The following TMEM9 variants were observed in gnomAD, a reference collection of about 807,000 sequenced individuals.
The protein encoded by TMEM9 is proton-transporting V-type ATPase complex assembly regulator TMEM9.
Under a neutral mutation model 22.8 loss-of-function variants are expected in TMEM9, and 13 were observed. The ratio of observed to expected loss-of-function variants is 0.57; its 90% CI spans 0.37 to 0.91. The LOEUF is 0.91. Among genes scored for constraint, TMEM9 ranks in the 40% least tolerant of loss-of-function variants. The pLI is 0.01. For synonymous variants in TMEM9, 88 were observed against 93.0 expected, an observed-to-expected ratio of 0.95 and a Z score of 0.31; for missense variants, 182 against 238.1, an observed-to-expected ratio of 0.76 and a Z score of 1.55.
At chr1:201,146,684 G>T in intron 3 of TMEM9, 56 bp downstream of exon 3, 1 of 1,514,284 alleles carries the variant, frequency 6.6e-7, no homozygotes, top group Non-Finnish European at 9.2e-7. Flanking sequence ...AGGCCAGTCT[G>T]CGATTGGAGA....
chr1:201,153,981 C>A lies in TMEM9; in HGVS notation c.-58G>T. On this transcript the variant is annotated 5_prime_UTR_variant, in exon 1 of 5. Coordinates refer to ENST00000367330, the MANE Select transcript of TMEM9 (RefSeq NM_001288565.2). Reference sequence around the variant, plus strand: ...ACACCTGGAAAAAGAGATACGGAGTCGGAGAAGGGGAAGGTGGCCACACCG... The same window carrying A: ...ACACCTGGAAAAAGAGATACGGAGTAGGAGAAGGGGAAGGTGGCCACACCG... 6.4e-7 allele frequency: 1 copy of A among 1,559,654 alleles called. No homozygotes were observed. The highest frequency in any genetic ancestry group is 1.2e-5 in the South Asian group (1 of 81,916).
At chr1:201,136,359 G>A (rs1368251442) in intron 4 of TMEM9, among the ~76,000 whole-genome samples, 4 of 152,210 alleles carry the variant, frequency 2.6e-5, no homozygotes, top group African/African-American at 9.7e-5. Flanking sequence ...AGAAGGCCCA[G>A]GGGCTAGGGT....
chr1:201,170,825 A>G (rs1456377345), intron 1 of TMEM9, among the ~76,000 whole-genome samples: 1 of 151,870 alleles, frequency 6.6e-6, no homozygotes, highest in Non-Finnish European at 1.5e-5. Context: ...CCCCCTAGTG[A>G]CCGCACACTC....
upstream of TMEM9, among the ~76,000 whole-genome samples, chr1:201,156,964 C>A (rs192742804): frequency 1.4e-3 from 209 of 152,294 alleles, no homozygotes; most frequent in African/African-American, 4.9e-3. Flanking sequence ...AGAAGTGAAG[C>A]AGCCTTGTTG....
At chr1:201,158,259 T>C (rs1665853454), upstream of TMEM9, among the ~76,000 whole-genome samples, 1 of 152,214 alleles carries the variant, frequency 6.6e-6, no homozygotes, top group Non-Finnish European at 1.5e-5. Context: ...AGAGAACACC[T>C]CCGTCAGACT....
chr1:201,152,993 C>T (rs1665549837), intron 1 of TMEM9, among the ~76,000 whole-genome samples: 1 of 152,158 alleles, frequency 6.6e-6, no homozygotes, highest in Non-Finnish European at 1.5e-5. Context: ...TCTAGAGGAC[C>T]CACTTTCTGG....
chr1:201,159,749 C>T (rs932720917), intron 1 of TMEM9, among the ~76,000 whole-genome samples: 7 of 152,124 alleles, frequency 4.6e-5, no homozygotes, highest in Non-Finnish European at 8.8e-5. Context: ...AGAATAAAAG[C>T]ATTATTCTAC....
chr1:201,139,813 G>A (rs1664358565), intron 4 of TMEM9, among the ~76,000 whole-genome samples: 1 of 152,236 alleles, frequency 6.6e-6, no homozygotes, highest in South Asian at 2.1e-4. Context: ...ATGATTATGT[G>A]TATTCCAGAC....
At chr1:201,158,625 C>A (rs1445521726), upstream of TMEM9, among the ~76,000 whole-genome samples, 2 of 152,058 alleles carry the variant, frequency 1.3e-5, no homozygotes, top group Admixed American at 6.5e-5. Context: ...AGCCGGGAGC[C>A]CCTGGCTCGG....
chr1:201,142,320 A>C (rs1664595868), intron 4 of TMEM9, among the ~76,000 whole-genome samples: 1 of 152,104 alleles, frequency 6.6e-6, no homozygotes, highest in African/African-American at 2.4e-5. Flanking sequence ...GCCCAGACCC[A>C]CATCACCCAG....
intron 4 of TMEM9, 41 bp downstream of exon 4, chr1:201,143,779 C>T (rs1664731720): frequency 2.5e-6 from 4 of 1,609,538 alleles, no homozygotes; most frequent in African/African-American, 1.3e-5. Flanking sequence ...TGGGGACGCA[C>T]ATGCAGGGAC....
chr1:201,164,215 A>C (rs1267250426), intron 1 of TMEM9, among the ~76,000 whole-genome samples: 1 of 152,240 alleles, frequency 6.6e-6, no homozygotes, highest in African/African-American at 2.4e-5. Flanking sequence ...ACACATTAGC[A>C]GGTGTTAATG....
At position 201,135,739 on chromosome 1, in the gene TMEM9, C is replaced by A; in HGVS notation, c.476G>T (p.Gly159Val). ...CTGCAGCTTCCACCGCTGCTGGGCA[C>A]CTTCCACACGCTCCAGGACTGTGTT... ...RANTVLERVE[G>V]AQQRWKLQVQ... Residue 159 changes from glycine to valine, a missense_variant, in exon 5 of 5, where the codon GGT becomes GTT. Gly to Val is a moderately radical substitution (Grantham distance 109). Coordinates refer to ENST00000367330, the MANE Select transcript of TMEM9 (RefSeq NM_001288565.2). 1 of 1,614,010 alleles carries A rather than the reference C, an allele frequency of 6.2e-7. No individual in the cohort carries two copies. The highest frequency in any genetic ancestry group is 8.5e-7 in the Non-Finnish European group (1 of 1,179,942).
chr1:201,137,397 T>C (rs1333984811), intron 4 of TMEM9, among the ~76,000 whole-genome samples: 1 of 152,126 alleles, frequency 6.6e-6, no homozygotes, highest in Admixed American at 6.5e-5. Context: ...AGCTTCAATT[T>C]AATGTAGTAA....
Position 201,146,752 on chromosome 1 carries a change from G to A in TMEM9, c.255C>T (p.Thr85=). Residue 85 remains threonine (T), a synonymous_variant, in exon 3 of 5, where the codon ACC becomes ACT. Transcript: ENST00000367330. ...ACCCTGGCGTTACCTTGATGGTGGT[G>A]GTGCTGCGCTCCTCGTACCTGCACT... ...LCECRYEERS[T]TTIKVIIVIY... is the part of the protein sequence containing the mutation. 1 of 1,614,192 alleles carries A rather than the reference G, an allele frequency of 6.2e-7. No individual in the cohort carries two copies. Among genetic ancestry groups the A allele is most frequent in the Non-Finnish European group, 8.5e-7 (1 of 1,180,004 alleles).
upstream of TMEM9, among the ~76,000 whole-genome samples, chr1:201,154,766 CG>C (rs1665729111): frequency 6.6e-6 from 1 of 152,166 alleles, no homozygotes; most frequent in African/African-American, 2.4e-5. Context: ...AGAAAGAAAG[CG>C]CTTTATACAC....
At chr1:201,142,434 C>T (rs753954431) in intron 4 of TMEM9, among the ~76,000 whole-genome samples, 5 of 152,212 alleles carry the variant, frequency 3.3e-5, no homozygotes, top group Admixed American at 6.5e-5. Flanking sequence ...AGTTAGACCA[C>T]GCTGTCTACA....
intron 1 of TMEM9, among the ~76,000 whole-genome samples, chr1:201,160,689 C>A (rs1665920014): frequency 6.6e-6 from 1 of 151,492 alleles, no homozygotes; most frequent in Admixed American, 6.6e-5. Flanking sequence ...GTAATCCCAG[C>A]ACTTTGGGAG....
intron 1 of TMEM9, among the ~76,000 whole-genome samples, chr1:201,167,590 C>T (rs1216300626): frequency 3.9e-5 from 6 of 152,216 alleles, no homozygotes; most frequent in Non-Finnish European, 8.8e-5. Context: ...TTTATGTCTA[C>T]ACCTTAGCTG....
Sources: allele counts gnomAD v4.1 joint callset (sites outside exome capture counted in the v4.1 genomes callset), GRCh38; gene constraint gnomAD v4.1.1; transcripts MANE v1.5; gene names NCBI Gene and HGNC (gene_info 2026-07-23, HGNC 2026-07-21).